The following DCC variants were observed in gnomAD, a reference collection of about 807,000 sequenced individuals.
DCC encodes DCC netrin 1 receptor.
In DCC, 58 loss-of-function variants were observed where a neutral mutation model predicts 172.5. That is an observed-to-expected ratio of 0.34 (90% CI 0.27 to 0.42). The LOEUF (loss-of-function observed/expected upper bound fraction) is 0.42. Among genes scored for constraint, DCC ranks in the 10% least tolerant of loss-of-function variants. The pLI is 1.00. For synonymous variants in DCC, 709 were observed against 644.5 expected (o/e 1.10, Z -1.52); for missense variants, 1,740 against 1,791.0 (o/e 0.97, Z 0.51).
In DCC at chr18:53,289,642, G is replaced by T. The variant is rs1322429281; in HGVS notation, c.1912-15936G>T. Among the ~76,000 whole-genome samples, 6 of 152,012 alleles carry T rather than the reference G, an allele frequency of 3.9e-5. No individual in the cohort carries two copies. In the South Asian group the frequency reaches 6.2e-4, roughly 16 times the overall value. On this transcript the variant is annotated intron_variant, in intron 12 of 28. Transcript: ENST00000442544. The stretch of plus-strand genomic sequence containing the variant: ...AAGTGACTAATGTAAATTATAGTGA[G>T]ATTTTCTGCAGACATTAATAAAAAA...
chr18:52,873,235 A>C (rs1316455365), intron 2 of DCC, among the ~76,000 whole-genome samples: 1 of 152,056 alleles, frequency 6.6e-6, no homozygotes, highest in Non-Finnish European at 1.5e-5. Flanking sequence ...AACATTTGCT[A>C]GATTTGTCCT....
At chr18:52,646,321 T>C (rs974446525) in intron 1 of DCC, among the ~76,000 whole-genome samples, 1 of 152,224 alleles carries the variant, frequency 6.6e-6, no homozygotes, top group Non-Finnish European at 1.5e-5. Context: ...CAAGAGAACA[T>C]GCTTCTCTAC....
chr18:53,143,855 G>A (rs1258477531), intron 7 of DCC, among the ~76,000 whole-genome samples: 4 of 152,182 alleles, frequency 2.6e-5, no homozygotes, highest in Non-Finnish European at 4.4e-5. Flanking sequence ...CCACAGGTGC[G>A]AGAATGATTG....
chr18:53,335,194 C>T (rs2057578256), intron 14 of DCC, among the ~76,000 whole-genome samples: 1 of 152,304 alleles, frequency 6.6e-6, no homozygotes, highest in South Asian at 2.1e-4. Context: ...CCCTACAGAG[C>T]TCACCACTCT....
rs532057168 is a variant in DCC, at chr18:52,724,323, T to A, written c.92-27731T>A. Among the ~76,000 whole-genome samples the A allele has an allele frequency of 2.0e-5, 3 of 152,202 alleles. No individual in the cohort carries two copies. In the East Asian group the frequency reaches 5.8e-4, roughly 29 times the overall value. On this transcript the variant is annotated intron_variant, in intron 1 of 28. Coordinates refer to ENST00000442544, the MANE Select transcript of DCC (RefSeq NM_005215.4). ...CACCACATCCTGTTATTTTATTATT[T>A]TTTTTAATAGAGATAAGGTCTTACT...
chr18:52,468,081 C>G (rs935221816), intron 1 of DCC, among the ~76,000 whole-genome samples: 8 of 152,108 alleles, frequency 5.3e-5, no homozygotes, highest in Admixed American at 1.3e-4. Context: ...TATGTTCATT[C>G]ATTCAAAGGT....
At chr18:53,407,621 G>A (rs1252685015) in intron 19 of DCC, among the ~76,000 whole-genome samples, 3 of 144,130 alleles carry the variant, frequency 2.1e-5, no homozygotes, top group African/African-American at 5.1e-5. Flanking sequence ...CATAGTGAAG[G>A]CAAATATTTC....
At chr18:52,994,872 C>A (rs933328121) in intron 5 of DCC, among the ~76,000 whole-genome samples, 18 of 152,078 alleles carry the variant, frequency 1.2e-4, no homozygotes, top group African/African-American at 4.1e-4. Context: ...TTAAAGACAT[C>A]TTGAGATTGA....
At chr18:53,199,045 C>T (rs78542218) in intron 9 of DCC, among the ~76,000 whole-genome samples, 4 of 151,300 alleles carry the variant, frequency 2.6e-5, no homozygotes, top group Non-Finnish European at 4.4e-5. Flanking sequence ...GATTTCACAT[C>T]TAATTCCCAT....
chr18:52,389,109 C>T (rs184888923), intron 1 of DCC, among the ~76,000 whole-genome samples: 41 of 152,148 alleles, frequency 2.7e-4, no homozygotes, highest in Non-Finnish European at 5.6e-4. Context: ...AGGGTGAGCC[C>T]ACCTGAAGAG....
intron 1 of DCC, among the ~76,000 whole-genome samples, chr18:52,604,026 ATTTTT>A (rs5824950): frequency 6.7e-6 from 1 of 150,122 alleles, no homozygotes; most frequent in Non-Finnish European, 1.5e-5. Context: ...GTGAAAGGTT[ATTTTT>A]TTTTTAAGTA....
intron 1 of DCC, among the ~76,000 whole-genome samples, chr18:52,577,326 C>T (rs976153522): frequency 6.6e-6 from 1 of 152,158 alleles, no homozygotes; most frequent in Admixed American, 6.5e-5. Flanking sequence ...AACTTGATTA[C>T]CTTTTCATAT....
intron 7 of DCC, among the ~76,000 whole-genome samples, chr18:53,117,406 G>C (rs2043423794): frequency 6.6e-6 from 1 of 151,810 alleles, no homozygotes; most frequent in Non-Finnish European, 1.5e-5. Context: ...TCAGAATCCA[G>C]ACCAAATTTT....
chr18:52,818,418 T>TAAA (rs55812629), intron 2 of DCC, among the ~76,000 whole-genome samples: 118 of 97,088 alleles, frequency 1.2e-3, no homozygotes, highest in African/African-American at 2.6e-3. Flanking sequence ...TCTCAAAAAG[T>TAAA]AAAAAAAAAA....
chr18:52,383,701 C>T (rs539474680), intron 1 of DCC, among the ~76,000 whole-genome samples: 11 of 151,514 alleles, frequency 7.3e-5, no homozygotes, highest in African/African-American at 2.4e-4. Context: ...CTTCATTTTC[C>T]TGGTTTCTCT....
intron 1 of DCC, among the ~76,000 whole-genome samples, chr18:52,381,965 T>A (rs191135904): frequency 1.3e-5 from 2 of 152,254 alleles, no homozygotes; most frequent in East Asian, 3.9e-4. Context: ...GTCTCCTTGG[T>A]CCATGCTTTG....
At chr18:52,762,351 G>A (rs1178534005) in intron 2 of DCC, among the ~76,000 whole-genome samples, 1 of 152,062 alleles carries the variant, frequency 6.6e-6, no homozygotes, top group Admixed American at 6.5e-5. Context: ...GTGCATGCCT[G>A]TAGTCCCAGC....
chr18:52,985,130 C>T (rs1331144233), intron 5 of DCC, among the ~76,000 whole-genome samples: 1 of 151,980 alleles, frequency 6.6e-6, no homozygotes, highest in African/African-American at 2.4e-5. Context: ...ACTGTCATTT[C>T]AGGATATTTT....
At position 53,305,665 on chromosome 18, in the gene DCC, C is replaced by T. The variant is rs767639329; in HGVS notation, c.1999C>T (p.Arg667Cys). The part of the protein sequence containing the change: ...GYKIRHRKTT[R>C]RGEMETLEPN... Reference sequence around the variant, plus strand: ...TAAAATTCGACACAGAAAGACGACCCGCAGGGGTGAGATGGAAACACTGGA... The same window carrying T: ...TAAAATTCGACACAGAAAGACGACCTGCAGGGGTGAGATGGAAACACTGGA... Residue 667 changes from arginine to cysteine, a missense_variant, in exon 13 of 29, where the codon CGC becomes TGC. Coordinates refer to ENST00000442544, the MANE Select transcript of DCC (RefSeq NM_005215.4). 4.3e-6 allele frequency: 7 copies of T among 1,613,858 alleles called. No individual in the cohort carries two copies. The highest frequency in any genetic ancestry group is 2.2e-5 in the East Asian group (1 of 44,882).
Sources: gnomAD v4.1 joint callset for allele counts (sites outside exome capture counted in the v4.1 genomes callset) on GRCh38, gnomAD v4.1.1 for gene constraint, MANE v1.5 for transcripts, NCBI Gene and HGNC (gene_info 2026-07-23, HGNC 2026-07-21) for gene names.